Variants in TMEM187 observed in about 807,000 individuals in gnomAD.
TMEM187 encodes transmembrane protein 187, also known as chromosome X open reading frame 12.
In TMEM187, 14 loss-of-function variants were observed where a neutral mutation model predicts 11.8. The ratio of observed to expected loss-of-function variants is 1.18; its 90% CI spans 0.78 to 1.85. The LOEUF (loss-of-function observed/expected upper bound fraction) is 1.85. Among genes scored for constraint, TMEM187 ranks in the 40% most tolerant of loss-of-function variants. TMEM187 has a pLI of 0.00. For synonymous variants in TMEM187, 112 were observed against 118.5 expected (o/e 0.95, Z 0.36); for missense variants, 227 against 243.9 (o/e 0.93, Z 0.46).
chrX:153,979,777 C>T (rs1467945836), intron 1 of TMEM187, among the ~76,000 whole-genome samples: 1 of 99,355 alleles, frequency 1.0e-5, no homozygotes, highest in Non-Finnish European at 2.0e-5. Context: ...CGCTCTGTCG[C>T]CCAGGTTGGA....
chrX:153,982,009 T>C lies in TMEM187; in HGVS notation c.-54T>C. 3 of 1,210,789 alleles carry C rather than the reference T, an allele frequency of 2.5e-6. No individual in the cohort carries two copies. The highest frequency in any genetic ancestry group is 3.4e-6 in the Non-Finnish European group (3 of 895,242). On this transcript the variant is annotated 5_prime_UTR_variant, in exon 2 of 2. Transcript: ENST00000369982. ...CCCAGAGTGTTCTGCAGAGGCTGCG[T>C]ATTGAAGGCTGCTCTCTGAAGCTCC... is the stretch of plus-strand genomic sequence containing the variant.
intron 1 of TMEM187, among the ~76,000 whole-genome samples, chrX:153,978,885 CA>C (rs2065587984): frequency 9.0e-6 from 1 of 110,930 alleles, no homozygotes. Flanking sequence ...CTCCTGGGTT[CA>C]AGCAATTCTC....
chrX:153,977,895 G>A (rs1557121700), intron 1 of TMEM187, among the ~76,000 whole-genome samples: 1 of 106,760 alleles, frequency 9.4e-6, no homozygotes, highest in Non-Finnish European at 1.9e-5. Flanking sequence ...GGACAACAGT[G>A]CAGACAGTGC....
chrX:153,981,231 ACAGT>A (rs1410830763), intron 1 of TMEM187: 6 of 113,026 alleles, frequency 5.3e-5, no homozygotes, highest in Non-Finnish European at 1.1e-4. Flanking sequence ...AAAGCAGTTG[ACAGT>A]CAGTGGTAAT....
intron 1 of TMEM187, among the ~76,000 whole-genome samples, chrX:153,977,308 A>G (rs782397934): frequency 2.7e-5 from 3 of 112,201 alleles, no homozygotes; most frequent in Non-Finnish European, 3.8e-5. Flanking sequence ...ATGTCACTCT[A>G]TATGCTATTA....
At chrX:153,978,273 C>CT (rs11414420) in intron 1 of TMEM187, among the ~76,000 whole-genome samples, 35,467 of 99,262 alleles carry the variant, frequency 0.36, 7,052 homozygotes, top group East Asian at 0.75. Context: ...TATACAGATA[C>CT]TTTTTTTTTT....
intron 1 of TMEM187, among the ~76,000 whole-genome samples, chrX:153,979,204 G>A (rs1228472454): frequency 9.1e-6 from 1 of 109,676 alleles, no homozygotes; most frequent in Non-Finnish European, 1.9e-5. Flanking sequence ...AGGATTATAG[G>A]TGTGAGCCAC....
intron 1 of TMEM187, among the ~76,000 whole-genome samples, chrX:153,979,078 G>A (rs930572364): frequency 2.7e-5 from 3 of 112,021 alleles, no homozygotes; most frequent in African/African-American, 6.5e-5. Flanking sequence ...GTGAGCCACC[G>A]TGCCCGGCCT....
rs782358646 is a variant in TMEM187, at chrX:153,982,694, A to G, written c.632A>G (p.Asp211Gly). The part of the protein sequence containing the change: ...CLGFVVLKLC[D>G]HQLARWRLFQ... ...GGCTTTGTGGTCCTCAAGCTGTGTG[A>G]CCATCAGCTCGCACGGTGGCGTCTC... Residue 211 changes from aspartate to glycine, a missense_variant, in exon 2 of 2, where the codon GAC becomes GGC. By Grantham distance (94) the Asp-to-Gly change is moderately conservative (BLOSUM62 -1). Transcript: ENST00000369982. 3 of 1,210,959 alleles carry G rather than the reference A, an allele frequency of 2.5e-6. No homozygotes were observed. In the Admixed American group the frequency reaches 6.5e-5, roughly 26 times the overall value.
rs782733842 is a variant in TMEM187 at position 153,981,747 on chromosome X, C to T, written c.-213-103C>T. 2.9e-4 allele frequency: 117 copies of T among 396,647 alleles called. 1 individual carries two copies. The South Asian group carries it at 4.0e-3, about 14-fold the overall frequency. The allele number at this position is 396,647 out of a possible 1,213,427, so 32.7% of individuals were successfully genotyped here. A position where few individuals can be genotyped will look rare whatever the true frequency, so the allele number is the denominator to read the frequency against. ...AGCGGTTTCACTCTGATTTGCTTCTCCAGTGAAGATGGTTGGTAGCTCCTG... is the reference window on the plus strand; with the variant it reads ...AGCGGTTTCACTCTGATTTGCTTCTTCAGTGAAGATGGTTGGTAGCTCCTG... On this transcript the variant is annotated intron_variant, in intron 1 of 1. Transcript: ENST00000369982.
rs145557117 is a variant in TMEM187 at position 153,982,398 on chromosome X, G to C, written c.336G>C (p.Ala112=). ...TGTGGACGCAGTGGCGCCGTGCCGC[G>C]GTGCTGGACCAGTGGCTCACACTGC... ...LRLWTQWRRA[A]VLDQWLTLPI... The change falls in exon 2 of 2, where the codon GCG becomes GCC. Residue 112 remains alanine, a synonymous_variant. Coordinates refer to ENST00000369982, the MANE Select transcript of TMEM187 (RefSeq NM_003492.3). 6 of 1,199,491 alleles carry C rather than the reference G, an allele frequency of 5.0e-6. No individual in the cohort carries two copies. In the East Asian group the frequency reaches 1.2e-4, roughly 24 times the overall value.
chrX:153,979,776 G>A (rs1002408373), intron 1 of TMEM187, among the ~76,000 whole-genome samples: 42 of 91,531 alleles, frequency 4.6e-4, no homozygotes, highest in African/African-American at 1.5e-3. Context: ...GCGCTCTGTC[G>A]CCCAGGTTGG....
At chrX:153,973,932 C>T (rs2148626206) in intron 1 of TMEM187, among the ~76,000 whole-genome samples, 1 of 111,581 alleles carries the variant, frequency 9.0e-6, no homozygotes, top group African/African-American at 3.3e-5. Flanking sequence ...GTCAGGCTTC[C>T]CAGGGCTTCC....
chrX:153,982,419 A>G lies in TMEM187; in HGVS notation c.357A>G (p.Thr119=). 4 of 1,201,163 alleles carry G rather than the reference A, an allele frequency of 3.3e-6. No individual in the cohort carries two copies. The highest frequency in any genetic ancestry group is 6.0e-5 in the East Asian group (2 of 33,582). ...RRAAVLDQWL[T]LPIFAWPVAW... ...CCGCGGTGCTGGACCAGTGGCTCAC[A>G]CTGCCCATCTTTGCATGGCCCGTGG... Residue 119 remains threonine (T), a synonymous_variant, in exon 2 of 2, where the codon ACA becomes ACG. Transcript: ENST00000369982.
intron 1 of TMEM187, among the ~76,000 whole-genome samples, chrX:153,974,371 G>C (rs1384933435): frequency 8.9e-6 from 1 of 112,434 alleles, no homozygotes; most frequent in Non-Finnish European, 1.9e-5. Flanking sequence ...GGCCTCAGCT[G>C]GTGTCTCAGC....
At chrX:153,978,538 G>C (rs1421067836) in intron 1 of TMEM187, among the ~76,000 whole-genome samples, 1 of 102,430 alleles carries the variant, frequency 9.8e-6, no homozygotes, top group Non-Finnish European at 2.0e-5. Context: ...AGAGTGCTGG[G>C]ATTACAGACG....
intron 1 of TMEM187, among the ~76,000 whole-genome samples, chrX:153,979,741 T>C (rs1333542515): frequency 6.1e-5 from 6 of 97,770 alleles, no homozygotes; most frequent in Non-Finnish European, 1.2e-4. Flanking sequence ...ACAATTTTTT[T>C]TTTTTTTTTT....
chrX:153,981,603 A>G (rs113971732), intron 1 of TMEM187, among the ~76,000 whole-genome samples: 1,231 of 112,250 alleles, frequency 0.011, 17 homozygotes, highest in African/African-American at 0.038. Flanking sequence ...ACAGAGCTAG[A>G]CAGGTCTTGT....
At position 153,981,871 on chromosome X, in the gene TMEM187, C is replaced by T. The variant is rs782803222; in HGVS notation, c.-192C>T. Reference sequence around the variant, plus strand: ...AAAGGAAAAAGGCAGAACGTTCCTCCGCTGGCGCCAGCCAATCAGCAGGAC... The same window carrying T: ...AAAGGAAAAAGGCAGAACGTTCCTCTGCTGGCGCCAGCCAATCAGCAGGAC... On this transcript the variant is annotated 5_prime_UTR_variant, in exon 2 of 2. Transcript: ENST00000369982. 2.2e-4 allele frequency: 161 copies of T among 727,773 alleles called. 1 individual carries two copies. In the South Asian group the frequency reaches 4.1e-3, roughly 18 times the overall value. 60.0% of individuals were successfully genotyped at this position (727,773 alleles called of 1,213,427 possible). A position where few individuals can be genotyped will look rare whatever the true frequency, so the allele number is the denominator to read the frequency against.
Sources: gnomAD v4.1 joint callset for allele counts (sites outside exome capture counted in the v4.1 genomes callset) on GRCh38, gnomAD v4.1.1 for gene constraint, MANE v1.5 for transcripts, NCBI Gene and HGNC (gene_info 2026-07-23, HGNC 2026-07-21) for gene names.